The following RAB3C variants were observed in gnomAD, a reference collection of about 807,000 sequenced individuals.
RAB3C encodes RAB3C, member RAS oncogene family.
A neutral mutation model predicts 26.4 loss-of-function variants in RAB3C; 17 were observed. That is an observed-to-expected ratio of 0.64 (90% confidence interval 0.44 to 0.97). The LOEUF (loss-of-function observed/expected upper bound fraction) is 0.97, where lower values mean the gene tolerates loss of function less well. Ranked by LOEUF, RAB3C falls within the 50% of genes least tolerant of loss-of-function variation. The pLI, the probability that RAB3C is intolerant of heterozygous loss-of-function variation, is 0.00. For synonymous variants in RAB3C, 91 were observed against 95.9 expected (o/e 0.95, Z 0.30); for missense variants, 242 against 281.9 (o/e 0.86, Z 1.01).
chr5:58,612,516 GTGTGTATATA>G (rs1255598117), intron 1 of RAB3C, among the ~76,000 whole-genome samples: 1 of 41,080 alleles, frequency 2.4e-5, no homozygotes, highest in African/African-American at 8.8e-5. Flanking sequence ...GTGTGTGTGT[GTGTGTATATA>G]TATATATATA....
intron 2 of RAB3C, among the ~76,000 whole-genome samples, chr5:58,652,218 T>C (rs1276635977): frequency 1.3e-5 from 2 of 151,790 alleles, no homozygotes; most frequent in Non-Finnish European, 2.9e-5. Flanking sequence ...TATTTTACAA[T>C]GTTCTCTAAG....
rs187052577 is a variant in RAB3C, at chr5:58,729,641, T to C, written c.371+3521T>C. 9.2e-4 allele frequency among the ~76,000 whole-genome samples: 137 copies of C among 148,758 alleles called. 1 individual carries two copies. The East Asian group carries it at 0.021, about 23-fold the overall frequency. On this transcript the variant is annotated intron_variant, in intron 3 of 4. Transcript: ENST00000282878. ...TATACATTATATATAACTTATATGT[T>C]ACATATAATAAAATATACATACACA...
intron 2 of RAB3C, among the ~76,000 whole-genome samples, chr5:58,683,131 A>G (rs1052055149): frequency 2.0e-5 from 3 of 152,192 alleles, no homozygotes; most frequent in African/African-American, 7.2e-5. Flanking sequence ...TCTCATGAAC[A>G]TGGTTTATTA....
At chr5:58,811,727 C>T (rs1743095974) in intron 3 of RAB3C, among the ~76,000 whole-genome samples, 1 of 151,948 alleles carries the variant, frequency 6.6e-6, no homozygotes, top group African/African-American at 2.4e-5. Context: ...TGCCCCAGGA[C>T]AGTCAGAGCT....
intron 3 of RAB3C, among the ~76,000 whole-genome samples, chr5:58,727,013 G>A (rs1740904341): frequency 6.6e-6 from 1 of 151,948 alleles, no homozygotes; most frequent in South Asian, 2.1e-4. Flanking sequence ...GTTCCCACTG[G>A]TGGTGGCTAG....
At chr5:58,839,618 C>T (rs1743832282) in intron 4 of RAB3C, among the ~76,000 whole-genome samples, 1 of 152,110 alleles carries the variant, frequency 6.6e-6, no homozygotes, top group South Asian at 2.1e-4. Flanking sequence ...GATCCACCCG[C>T]CTCGGCCTCC....
At chr5:58,839,318 C>T (rs1166319331) in intron 4 of RAB3C, among the ~76,000 whole-genome samples, 1 of 150,488 alleles carries the variant, frequency 6.6e-6, no homozygotes, top group Non-Finnish European at 1.5e-5. Context: ...ATTTTTGTGG[C>T]TGGGTCCCTA....
chr5:58,822,675 A>G, intron 3 of RAB3C: 1 of 418,702 alleles, frequency 2.4e-6, no homozygotes, highest in Non-Finnish European at 4.6e-6. Flanking sequence ...TAACAAACAG[A>G]GATATGATTT....
chr5:58,760,998 T>G (rs1054019083), intron 3 of RAB3C, among the ~76,000 whole-genome samples: 5 of 152,010 alleles, frequency 3.3e-5, no homozygotes. Flanking sequence ...AAATGCAGTT[T>G]ATAGAACATG....
chr5:58,673,235 C>T (rs141344899), intron 2 of RAB3C, among the ~76,000 whole-genome samples: 1 of 152,226 alleles, frequency 6.6e-6, no homozygotes, highest in East Asian at 1.9e-4. Flanking sequence ...CTCTGTCCTG[C>T]CCCTGCATCA....
intron 2 of RAB3C, among the ~76,000 whole-genome samples, chr5:58,686,651 C>G (rs1472374261): frequency 2.0e-5 from 3 of 151,220 alleles, no homozygotes; most frequent in Non-Finnish European, 4.4e-5. Context: ...TTCTATGTGT[C>G]TCTCTCTCAC....
chr5:58,716,340 A>T (rs1749173501), intron 2 of RAB3C, among the ~76,000 whole-genome samples: 1 of 152,144 alleles, frequency 6.6e-6, no homozygotes, highest in African/African-American at 2.4e-5. Context: ...CAAAAGCGAG[A>T]TGATAACATC....
intron 3 of RAB3C, among the ~76,000 whole-genome samples, chr5:58,762,365 G>T (rs896018467): frequency 5.3e-5 from 8 of 152,054 alleles, no homozygotes; most frequent in Admixed American, 2.0e-4. Flanking sequence ...TTATTTTGCA[G>T]GATTTTCTTT....
intron 1 of RAB3C, among the ~76,000 whole-genome samples, chr5:58,596,702 TATATATAA>T (rs1746273867): frequency 4.0e-5 from 1 of 25,214 alleles, no homozygotes; most frequent in East Asian, 4.5e-4. Context: ...CATAATATAT[TATATATAA>T]ATATATAATA....
chr5:58,605,821 C>T (rs538933649), intron 1 of RAB3C, among the ~76,000 whole-genome samples: 2 of 152,252 alleles, frequency 1.3e-5, no homozygotes, highest in South Asian at 4.1e-4. Flanking sequence ...AGGAGTCTCG[C>T]TTACACCCGG....
chr5:58,650,791 G>C lies in RAB3C; in HGVS notation c.252+32921G>C, dbSNP rs139942635. Reference sequence around the variant, plus strand: ...CCTATGAATTACTGAGAATTGGCTAGGAAATTTCTGAGACTTATTTGGTAA... The same window carrying C: ...CCTATGAATTACTGAGAATTGGCTACGAAATTTCTGAGACTTATTTGGTAA... On this transcript the variant is annotated intron_variant, in intron 2 of 4. Coordinates refer to ENST00000282878, the MANE Select transcript of RAB3C (RefSeq NM_138453.4). 1.1e-3 allele frequency among the ~76,000 whole-genome samples: 166 copies of C among 152,250 alleles called. 1 individual carries two copies. The highest frequency in any genetic ancestry group is 3.7e-3 in the African/African-American group (153 of 41,538).
At chr5:58,614,188 A>G (rs1485882345) in intron 1 of RAB3C, among the ~76,000 whole-genome samples, 5 of 152,082 alleles carry the variant, frequency 3.3e-5, no homozygotes, top group African/African-American at 1.2e-4. Context: ...CCTATTTTCA[A>G]ATTTCAGCTA....
intron 1 of RAB3C, among the ~76,000 whole-genome samples, chr5:58,605,799 G>A (rs1227133512): frequency 6.6e-6 from 1 of 152,146 alleles, no homozygotes; most frequent in Non-Finnish European, 1.5e-5. Flanking sequence ...CTGCTACTTG[G>A]GAGGCTGAGA....
At chr5:58,731,862 G>A (rs1255367984) in intron 3 of RAB3C, among the ~76,000 whole-genome samples, 1 of 152,116 alleles carries the variant, frequency 6.6e-6, no homozygotes, top group African/African-American at 2.4e-5. Flanking sequence ...GGAAAACTTT[G>A]GTGTGGGAGG....
Sources: gnomAD v4.1 joint callset for allele counts (sites outside exome capture counted in the v4.1 genomes callset) on GRCh38, gnomAD v4.1.1 for gene constraint, MANE v1.5 for transcripts, NCBI Gene and HGNC (gene_info 2026-07-23, HGNC 2026-07-21) for gene names.